GALR1: variants seen among roughly 807,000 people sequenced by gnomAD.
GALR1 encodes the protein galanin receptor 1, also known as galanin receptor type 1.
Under a neutral mutation model 17.9 loss-of-function variants are expected in GALR1, and 11 were observed. The observed-to-expected ratio is 0.62, with a 90% CI of 0.39 to 1.02. GALR1 has a LOEUF of 1.02. Ranked by LOEUF, GALR1 falls within the 50% of genes least tolerant of loss-of-function variation. GALR1 has a pLI of 0.01. For synonymous variants in GALR1, 206 were observed against 205.7 expected (o/e 1.00, Z -0.01); for missense variants, 441 against 456.9 (o/e 0.97, Z 0.32).
intron 2 of GALR1, among the ~76,000 whole-genome samples, chr18:77,259,646 G>T (rs530043010): frequency 6.6e-6 from 1 of 150,672 alleles, no homozygotes; most frequent in Non-Finnish European, 1.5e-5. Flanking sequence ...GGTGGTGACA[G>T]TGGTGGCAGT....
At chr18:77,268,132 CACTT>C (rs1389722733) in intron 2 of GALR1, among the ~76,000 whole-genome samples, 4 of 152,120 alleles carry the variant, frequency 2.6e-5, no homozygotes. Context: ...GAGAAATAAA[CACTT>C]ACACACCTGC....
rs553408301 is a variant in GALR1, at chr18:77,256,110, G to C, written c.667-48G>C. On this transcript the variant is annotated intron_variant, in intron 1 of 2. Transcript: ENST00000299727. ...AATTGTTAATGCAACATAGGCAGTGGGTTATGAGAGGTGAGGCGAACTGAT... is the reference window on the plus strand; with the variant it reads ...AATTGTTAATGCAACATAGGCAGTGCGTTATGAGAGGTGAGGCGAACTGAT... The C allele has an allele frequency of 8.0e-5, 76 of 952,476 alleles. 1 individual carries two copies. The South Asian group carries it at 8.8e-4, about 11-fold the overall frequency. The allele number at this position is 952,476 out of a possible 1,614,324, so 59.0% of individuals were successfully genotyped here. A position where few individuals can be genotyped will look rare whatever the true frequency, so the allele number is the denominator to read the frequency against.
intron 1 of GALR1, among the ~76,000 whole-genome samples, chr18:77,254,700 C>A (rs1179984093): frequency 6.6e-6 from 1 of 152,222 alleles, no homozygotes; most frequent in Non-Finnish European, 1.5e-5. Context: ...CTCTCATTTG[C>A]TCCTGCAGGA....
At chr18:77,255,578 A>T (rs1315546172) in intron 1 of GALR1, among the ~76,000 whole-genome samples, 1 of 152,250 alleles carries the variant, frequency 6.6e-6, no homozygotes, top group South Asian at 2.1e-4. Flanking sequence ...GAGGCAGCCC[A>T]TAAGAGGAAG....
chr18:77,268,490 T>C (rs1038645297), intron 2 of GALR1, 95 bp from the exon 3 acceptor site: 2 of 817,936 alleles, frequency 2.4e-6, no homozygotes, highest in Non-Finnish European at 2.0e-6. Flanking sequence ...AAATGCTGGA[T>C]TCCTTTTGTG....
At chr18:77,265,503 A>G (rs1912926230) in intron 2 of GALR1, among the ~76,000 whole-genome samples, 1 of 152,096 alleles carries the variant, frequency 6.6e-6, no homozygotes, top group Non-Finnish European at 1.5e-5. Flanking sequence ...GGTCTGGAGG[A>G]TGGTGGCCCT....
intron 2 of GALR1, among the ~76,000 whole-genome samples, chr18:77,261,533 A>G (rs979473288): frequency 1.3e-5 from 2 of 152,224 alleles, no homozygotes; most frequent in Non-Finnish European, 2.9e-5. Flanking sequence ...TGGATGGCCC[A>G]TAAACAACGG....
intron 1 of GALR1, 30 bp downstream of exon 1, chr18:77,251,244 C>G: frequency 6.4e-7 from 1 of 1,567,848 alleles, no homozygotes; most frequent in Non-Finnish European, 8.7e-7. Context: ...CCGAGACGCG[C>G]GAGGGAGGGC....
intron 2 of GALR1, among the ~76,000 whole-genome samples, chr18:77,258,599 GGTCA>G (rs1912657354): frequency 8.4e-6 from 1 of 118,374 alleles, no homozygotes. Flanking sequence ...TGATGGTGGT[GGTCA>G]TGGTGGTGAT....
rs1239945416 is a variant in GALR1 at position 77,276,796 on chromosome 18, A to T, written c.*7894A>T. ...TTCAGAATTTTTATTGCTTACATTG[A>T]TCAGATCCATAAAATATCTGTTTAA... On this transcript the variant is annotated 3_prime_UTR_variant, in exon 3 of 3. Coordinates refer to ENST00000299727, the MANE Select transcript of GALR1 (RefSeq NM_001480.4). 1 of 152,200 alleles carries T rather than the reference A, an allele frequency of 6.6e-6. No individual in the cohort carries two copies. Among genetic ancestry groups the T allele is most frequent in the Non-Finnish European group, 1.5e-5 (1 of 68,036 alleles). The allele number at this position is 152,200 out of a possible 1,614,324, so 9.4% of individuals were successfully genotyped here. A position where few individuals can be genotyped will look rare whatever the true frequency, so the allele number is the denominator to read the frequency against.
In GALR1 at chr18:77,273,979, A is replaced by G. The variant is rs1913109740; in HGVS notation, c.*5077A>G. ...CTGTTTAAATTTTTGACTCTCAGGT[A>G]GTGGTGATCGTTATGGTAACCCATG... On this transcript the variant is annotated 3_prime_UTR_variant, in exon 3 of 3. Coordinates refer to ENST00000299727, the MANE Select transcript of GALR1 (RefSeq NM_001480.4). 1 of 152,206 alleles carries G rather than the reference A, an allele frequency of 6.6e-6. No individual in the cohort carries two copies. Among genetic ancestry groups the G allele is most frequent in the Non-Finnish European group, 1.5e-5 (1 of 68,048 alleles). 9.4% of individuals were successfully genotyped at this position (152,206 alleles called of 1,614,324 possible). A position where few individuals can be genotyped will look rare whatever the true frequency, so the allele number is the denominator to read the frequency against.
chr18:77,255,787 T>C (rs533126348), intron 1 of GALR1, among the ~76,000 whole-genome samples: 1 of 152,286 alleles, frequency 6.6e-6, no homozygotes, highest in Admixed American at 6.5e-5. Context: ...CTGGTGTTTA[T>C]TAATATATGG....
At chr18:77,252,958 AT>A (rs1912488500) in intron 1 of GALR1, among the ~76,000 whole-genome samples, 9 of 61,516 alleles carry the variant, frequency 1.5e-4, no homozygotes, top group African/African-American at 1.9e-4. Flanking sequence ...CATCACCACC[AT>A]CACCACCACC....
rs1333796086 is a variant in GALR1, at chr18:77,275,774, T to C, written c.*6872T>C. 2 of 152,240 alleles carry C rather than the reference T, an allele frequency of 1.3e-5. No individual in the cohort carries two copies. The highest frequency in any genetic ancestry group is 2.4e-5 in the African/African-American group (1 of 41,458). The allele number at this position is 152,240 out of a possible 1,614,324, so 9.4% of individuals were successfully genotyped here. Reference sequence around the variant, plus strand: ...AGTGTTTTTTAAAACGGAAACCATGTCATTTTCCTTCTAGAGAGAATTTCC... The same window carrying C: ...AGTGTTTTTTAAAACGGAAACCATGCCATTTTCCTTCTAGAGAGAATTTCC... On this transcript the variant is annotated 3_prime_UTR_variant, in exon 3 of 3. Transcript: ENST00000299727.
chr18:77,256,523 A>ACAGAGTG (rs1555672433), intron 2 of GALR1, among the ~76,000 whole-genome samples: 10 of 150,938 alleles, frequency 6.6e-5, no homozygotes, highest in South Asian at 2.1e-4. Flanking sequence ...GTTGACTGAG[A>ACAGAGTG]CAGAGTGCAG....
Position 77,273,650 on chromosome 18 carries a change from TA to T in GALR1, c.*4760del, listed in dbSNP as rs71174629. 0.036 allele frequency: 5,202 copies of T among 142,688 alleles called. 145 individuals carry two copies. The highest frequency in any genetic ancestry group is 0.058 in the Non-Finnish European group (3,767 of 64,894). 8.8% of individuals were successfully genotyped at this position (142,688 alleles called of 1,614,324 possible). On this transcript the variant is annotated 3_prime_UTR_variant, in exon 3 of 3. Coordinates refer to ENST00000299727, the MANE Select transcript of GALR1 (RefSeq NM_001480.4). ...AACTCTGTCTCAAAAAAATAAAAATTAAAAAAAAAAAAGAAGGTGGCCAGTG... is the reference window on the plus strand; with the variant it reads ...AACTCTGTCTCAAAAAAATAAAAATTAAAAAAAAAAAGAAGGTGGCCAGTG...
intron 1 of GALR1, among the ~76,000 whole-genome samples, chr18:77,252,980 TCACCACCATCAC>T (rs1912494653): frequency 0.013 from 300 of 22,964 alleles, 4 homozygotes; most frequent in African/African-American, 0.045. Flanking sequence ...ATCACCACCA[TCACCACCATCAC>T]CACCACCACC....
intron 2 of GALR1, among the ~76,000 whole-genome samples, chr18:77,267,826 G>A (rs1454063695): frequency 6.6e-6 from 1 of 152,192 alleles, no homozygotes; most frequent in Non-Finnish European, 1.5e-5. Flanking sequence ...GGCCAGTGGA[G>A]GAGGCCATGG....
intron 2 of GALR1, among the ~76,000 whole-genome samples, chr18:77,261,588 G>A (rs1354539208): frequency 1.3e-5 from 2 of 152,156 alleles, no homozygotes; most frequent in Non-Finnish European, 2.9e-5. Context: ...CTAAAATCAC[G>A]CTCCTGCAGA....
Sources: allele counts gnomAD v4.1 joint callset (sites outside exome capture counted in the v4.1 genomes callset), GRCh38; gene constraint gnomAD v4.1.1; transcripts MANE v1.5; gene names NCBI Gene and HGNC (gene_info 2026-07-23, HGNC 2026-07-21).